EGLN3: variants seen among roughly 807,000 people sequenced by gnomAD.
EGLN3 encodes prolyl hydroxylase EGLN3.
In EGLN3, 15 loss-of-function variants were observed where a neutral mutation model predicts 26.0. The observed-to-expected ratio is 0.58, with a 90% CI of 0.39 to 0.89. The LOEUF (loss-of-function observed/expected upper bound fraction) is 0.89, where lower values mean the gene tolerates loss of function less well. EGLN3 is among the 40% of genes least tolerant of loss of function. The pLI, the probability that EGLN3 is intolerant of heterozygous loss-of-function variation, is 0.00. For synonymous variants in EGLN3, 147 were observed against 127.2 expected (o/e 1.16, Z -1.05); for missense variants, 238 against 311.6 (o/e 0.76, Z 1.78).
intron 1 of EGLN3, among the ~76,000 whole-genome samples, chr14:33,939,333 C>T (rs2064465848): frequency 1.3e-5 from 2 of 152,230 alleles, no homozygotes; most frequent in East Asian, 1.9e-4. Context: ...GCCTCAGCCT[C>T]CCGAGTAGCT....
At chr14:33,931,768 CA>C (rs2064405394) in intron 1 of EGLN3, among the ~76,000 whole-genome samples, 2 of 152,190 alleles carry the variant, frequency 1.3e-5, no homozygotes, top group Non-Finnish European at 2.9e-5. Flanking sequence ...AGAGGAAGAT[CA>C]ATAGGAAGCC....
intron 1 of EGLN3, chr14:33,950,068 C>A (rs1566602735): frequency 1.7e-6 from 1 of 585,504 alleles, no homozygotes; most frequent in African/African-American, 1.9e-5. Flanking sequence ...GTTTCCAATA[C>A]CCTTTCCCTC....
In EGLN3 at chr14:33,950,843, G is replaced by A; in HGVS notation, c.-91C>T. 8.1e-7 allele frequency: 1 copy of A among 1,238,266 alleles called. No individual in the cohort carries two copies. Among genetic ancestry groups the A allele is most frequent in the Non-Finnish European group, 1.1e-6 (1 of 880,636 alleles). 76.7% of individuals were successfully genotyped at this position (1,238,266 alleles called of 1,614,324 possible). A position where few individuals can be genotyped will look rare whatever the true frequency, so the allele number is the denominator to read the frequency against. ...CGCGAAGCCGAGGCGCGGGGAGCGT[G>A]GCCCGGGGTTCAGAAACCTGCGGCT... On this transcript the variant is annotated 5_prime_UTR_variant, in exon 1 of 5. Transcript: ENST00000250457.
intron 1 of EGLN3, among the ~76,000 whole-genome samples, chr14:33,941,535 C>T (rs1669771080): frequency 6.7e-6 from 1 of 148,602 alleles, no homozygotes; most frequent in Non-Finnish European, 1.5e-5. Context: ...CCCATCTTCC[C>T]CCGTCATTCC....
intron 1 of EGLN3, among the ~76,000 whole-genome samples, chr14:33,936,422 A>C (rs1335439057): frequency 1.3e-5 from 2 of 152,090 alleles, no homozygotes; most frequent in Non-Finnish European, 2.9e-5. Flanking sequence ...GTTTTTAGTC[A>C]GCTGTGGGTA....
intron 2 of EGLN3, among the ~76,000 whole-genome samples, chr14:33,930,568 A>G (rs2064395368): frequency 6.6e-6 from 1 of 152,218 alleles, no homozygotes; most frequent in African/African-American, 2.4e-5. Flanking sequence ...AAGTTCTATA[A>G]TACAAAAATA....
At chr14:33,940,345 A>G (rs2064473559) in intron 1 of EGLN3, among the ~76,000 whole-genome samples, 1 of 152,214 alleles carries the variant, frequency 6.6e-6, no homozygotes, top group Non-Finnish European at 1.5e-5. Context: ...TGCTGGTACA[A>G]ATAATAGGCT....
chr14:33,937,350 GTCA>G (rs1461494386), intron 1 of EGLN3, among the ~76,000 whole-genome samples: 2 of 152,218 alleles, frequency 1.3e-5, no homozygotes, highest in Admixed American at 1.3e-4. Context: ...TGTGTAAACT[GTCA>G]TCAGTTACCT....
At chr14:33,944,277 A>C (rs759696451) in intron 1 of EGLN3, among the ~76,000 whole-genome samples, 1 of 152,092 alleles carries the variant, frequency 6.6e-6, no homozygotes, top group Non-Finnish European at 1.5e-5. Flanking sequence ...GCAAACCACC[A>C]TGCCCGGCTA....
chr14:33,925,122 C>A lies in EGLN3; in HGVS notation c.*769G>T, dbSNP rs1174371866. 1 of 151,988 alleles carries A rather than the reference C, an allele frequency of 6.6e-6. No homozygotes were observed. Among genetic ancestry groups the A allele is most frequent in the Non-Finnish European group, 1.5e-5 (1 of 68,004 alleles). The allele number at this position is 151,988 out of a possible 1,614,324, so 9.4% of individuals were successfully genotyped here. A position where few individuals can be genotyped will look rare whatever the true frequency, so the allele number is the denominator to read the frequency against. On this transcript the variant is annotated 3_prime_UTR_variant, in exon 5 of 5. Coordinates refer to ENST00000250457, the MANE Select transcript of EGLN3 (RefSeq NM_022073.4). ...TTTCCTTTCATTTAAATTTAAATTC[C>A]ATTCCAACAAAGCAACCAAAACAAC...
intron 1 of EGLN3, among the ~76,000 whole-genome samples, chr14:33,947,022 C>T (rs1342640001): frequency 6.6e-6 from 1 of 152,180 alleles, no homozygotes; most frequent in African/African-American, 2.4e-5. Flanking sequence ...TAGCACAGTG[C>T]CAGACAATAC....
chr14:33,933,257 CTTCAGGTCA>C (rs1395729732), intron 1 of EGLN3, among the ~76,000 whole-genome samples: 1 of 148,302 alleles, frequency 6.7e-6, no homozygotes, highest in African/African-American at 2.5e-5. Context: ...CAACATAGTT[CTTCAGGTCA>C]TTAAGGAGTG....
chr14:33,926,892 T>C (rs1484509028), intron 4 of EGLN3, 68 bp downstream of exon 4: 4 of 1,198,224 alleles, frequency 3.3e-6, no homozygotes. Flanking sequence ...TGTTTAAAAC[T>C]ACATAAAATT....
rs374516815 is a variant in EGLN3 at position 33,941,514 on chromosome 14, A to C, written c.357+8882T>G. Reference sequence around the variant, plus strand: ...TACTTAGGCATCGAATTAGAGACTAAGCTGCAGCCACCCATCTTCCCCCGT... The same window carrying C: ...TACTTAGGCATCGAATTAGAGACTACGCTGCAGCCACCCATCTTCCCCCGT... On this transcript the variant is annotated intron_variant, in intron 1 of 4. Coordinates refer to ENST00000250457, the MANE Select transcript of EGLN3 (RefSeq NM_022073.4). Among the ~76,000 whole-genome samples, 559 of 152,244 alleles carry C rather than the reference A, an allele frequency of 3.7e-3. 5 individuals carry two copies. The highest frequency in any genetic ancestry group is 0.013 in the African/African-American group (533 of 41,544).
At chr14:33,945,697 T>C (rs2064512828) in intron 1 of EGLN3, among the ~76,000 whole-genome samples, 1 of 152,266 alleles carries the variant, frequency 6.6e-6, no homozygotes, top group Admixed American at 6.5e-5. Context: ...TTCTGCTTCC[T>C]AGTTCATACC....
intron 1 of EGLN3, among the ~76,000 whole-genome samples, chr14:33,938,683 G>C (rs548812261): frequency 6.6e-6 from 1 of 152,358 alleles, no homozygotes; most frequent in South Asian, 2.1e-4. Flanking sequence ...AGGACATCAA[G>C]ACGCATTTAA....
intron 2 of EGLN3, among the ~76,000 whole-genome samples, chr14:33,929,657 G>A (rs542087383): frequency 5.3e-5 from 8 of 152,114 alleles, no homozygotes; most frequent in East Asian, 3.9e-4. Context: ...CAGCCACTTC[G>A]TACCAAATTT....
At chr14:33,941,623 G>A (rs1183556437) in intron 1 of EGLN3, among the ~76,000 whole-genome samples, 2 of 150,882 alleles carry the variant, frequency 1.3e-5, no homozygotes, top group African/African-American at 4.9e-5. Context: ...TCCTTTTGAA[G>A]ATGAAATTAA....
At chr14:33,937,783 C>T (rs2064452862) in intron 1 of EGLN3, among the ~76,000 whole-genome samples, 2 of 152,156 alleles carry the variant, frequency 1.3e-5, no homozygotes, top group Admixed American at 6.5e-5. Context: ...GGTAGAACAA[C>T]GGTCATCACA....
Sources: gnomAD v4.1 joint callset for allele counts (sites outside exome capture counted in the v4.1 genomes callset) on GRCh38, gnomAD v4.1.1 for gene constraint, MANE v1.5 for transcripts, NCBI Gene and HGNC (gene_info 2026-07-23, HGNC 2026-07-21) for gene names.